EIF3I: variants seen among roughly 807,000 people sequenced by gnomAD.
EIF3I encodes eukaryotic translation initiation factor 3 subunit I.
A neutral mutation model predicts 43.3 loss-of-function variants in EIF3I; 20 were observed. That is an observed-to-expected ratio of 0.46 (90% CI 0.32 to 0.67). The LOEUF (loss-of-function observed/expected upper bound fraction) is 0.67, where lower values mean the gene tolerates loss of function less well. Among genes scored for constraint, EIF3I ranks in the 30% least tolerant of loss-of-function variants. The pLI is 0.03. For synonymous variants in EIF3I, 167 were observed against 151.7 expected, an observed-to-expected ratio of 1.10 and a Z score of -0.74; for missense variants, 279 against 421.4, an observed-to-expected ratio of 0.66 and a Z score of 2.96.
chr1:32,229,052 G>T (rs753926762), intron 8 of EIF3I, 83 bp from the exon 9 acceptor site: 2 of 1,451,596 alleles, frequency 1.4e-6, no homozygotes, highest in Admixed American at 3.9e-5. Flanking sequence ...CGTGTGAGAT[G>T]TTAAAAATGT....
intron 10 of EIF3I, 147 bp from the exon 10 acceptor site, chr1:32,230,780 C>A: frequency 1.7e-6 from 1 of 580,082 alleles, no homozygotes; most frequent in Non-Finnish European, 2.9e-6. Flanking sequence ...ACCGAGATTG[C>A]GCCACTGTAC....
intron 8 of EIF3I, 107 bp downstream of exon 8, chr1:32,228,923 C>A: frequency 1.8e-6 from 2 of 1,140,600 alleles, no homozygotes; most frequent in Non-Finnish European, 2.6e-6. Context: ...TGATGTCAGG[C>A]AGAGAGGAGA....
chr1:32,235,954 C>T (rs1047675144), downstream of EIF3I, among the ~76,000 whole-genome samples: 1 of 152,164 alleles, frequency 6.6e-6, no homozygotes, highest in Non-Finnish European at 1.5e-5. Flanking sequence ...TGTTTAAAAG[C>T]CTTCAGTGGC....
Position 32,228,707 on chromosome 1 carries a change from C to A in EIF3I, c.640-20C>A. The stretch of plus-strand genomic sequence containing the variant: ...CCAGGAAAGCTCTTTACAGATTTCC[C>A]CCCTGCCTTCTCTCTCCAGCTTTTT... On this transcript the variant is annotated intron_variant, in intron 7 of 11. Transcript: ENST00000676679. 1.2e-6 allele frequency: 2 copies of A among 1,609,174 alleles called. No individual in the cohort carries two copies. The highest frequency in any genetic ancestry group is 1.7e-6 in the Non-Finnish European group (2 of 1,175,642).
intron 11 of EIF3I, 37 bp from the exon 11 acceptor site, chr1:32,231,078 G>A (rs1448675113): frequency 6.2e-7 from 1 of 1,613,714 alleles, no homozygotes; most frequent in Non-Finnish European, 8.5e-7. Flanking sequence ...CTTTCCCAGA[G>A]TAAGCACCTG....
chr1:32,232,420 G>A (rs1412489231), downstream of EIF3I, among the ~76,000 whole-genome samples: 1 of 152,190 alleles, frequency 6.6e-6, no homozygotes, highest in African/African-American at 2.4e-5. Context: ...AACCAATTTA[G>A]TTTTGCCTCA....
At chr1:32,223,547 A>C (rs1200784772) in intron 2 of EIF3I, among the ~76,000 whole-genome samples, 2 of 152,132 alleles carry the variant, frequency 1.3e-5, no homozygotes, top group Admixed American at 1.3e-4. Context: ...GGCCTCCCAA[A>C]GTGCTAGGAT....
At chr1:32,231,726 T>C (rs1639240260), downstream of EIF3I, 1 of 154,344 alleles carries the variant, frequency 6.5e-6, no homozygotes, top group African/African-American at 2.4e-5. Flanking sequence ...CTTAAGACCC[T>C]CAGTACTTTT....
chr1:32,233,060 C>A (rs1316035151), downstream of EIF3I, among the ~76,000 whole-genome samples: 1 of 152,206 alleles, frequency 6.6e-6, no homozygotes, highest in African/African-American at 2.4e-5. Flanking sequence ...ATGGCATGAT[C>A]TCGGCTCACT....
intron 6 of EIF3I, 124 bp downstream of exon 6, chr1:32,226,654 C>T (rs1557555059): frequency 2.0e-5 from 22 of 1,080,266 alleles, no homozygotes; most frequent in South Asian, 2.8e-5. Flanking sequence ...GCGACCTCCA[C>T]CTCCCTGGTT....
chr1:32,230,902 A>G, intron 10 of EIF3I, 25 bp from the exon 10 acceptor site: 1 of 1,549,838 alleles, frequency 6.5e-7, no homozygotes, highest in Non-Finnish European at 8.8e-7. Flanking sequence ...TAGAAAGTGA[A>G]TTAATTGTGT....
At chr1:32,230,203 T>C (rs1191540737) in intron 9 of EIF3I, among the ~76,000 whole-genome samples, 1 of 151,122 alleles carries the variant, frequency 6.6e-6, no homozygotes, top group African/African-American at 2.4e-5. Flanking sequence ...TTCCATCTTA[T>C]TTTGTTCACA....
intron 4 of EIF3I, 139 bp from the exon 5 acceptor site, chr1:32,226,032 A>C: frequency 8.2e-7 from 1 of 1,216,364 alleles, no homozygotes; most frequent in Non-Finnish European, 1.1e-6. Flanking sequence ...AAAAAGAAAA[A>C]AAAAAAGAAA....
rs937574295 is a variant in EIF3I, at chr1:32,224,125, T to C, written c.184+4T>C. On this transcript the variant is annotated splice_donor_region_variant and intron_variant, in intron 3 of 11. Transcript: ENST00000676679. ...GTGTGGTGTGTGGACGCTGACTGTA[T>C]CCTTATTTTGGGTCTGAGTCCGTGT... The C allele has an allele frequency of 6.2e-7, 1 of 1,613,932 alleles. No individual in the cohort carries two copies. The highest frequency in any genetic ancestry group is 8.5e-7 in the Non-Finnish European group (1 of 1,179,982).
At chr1:32,235,578 C>A (rs1639289747), downstream of EIF3I, among the ~76,000 whole-genome samples, 1 of 152,178 alleles carries the variant, frequency 6.6e-6, no homozygotes. Context: ...CTCGGCCTCC[C>A]AAAGTGCTGG....
chr1:32,222,712 G>A, intron 2 of EIF3I, 82 bp downstream of exon 2: 1 of 1,418,926 alleles, frequency 7.0e-7, no homozygotes, highest in Non-Finnish European at 9.9e-7. Flanking sequence ...TTTGCCGTTA[G>A]CGGGGAACCA....
chr1:32,229,190 T>C (rs1203260168), exon 9 of EIF3I: 1 of 1,614,046 alleles, frequency 6.2e-7, no homozygotes, highest in Non-Finnish European at 8.5e-7. Context: ...TCCACCAGGA[T>C]TGGCAAGTTT....
exon 11 of EIF3I, chr1:32,231,006 C>G: frequency 6.2e-7 from 1 of 1,612,834 alleles, no homozygotes; most frequent in Non-Finnish European, 8.5e-7. Context: ...TGCCTTCCAT[C>G]CTGATGGCAA....
chr1:32,223,865 G>T (rs1317197817), intron 2 of EIF3I, among the ~76,000 whole-genome samples, 169 bp from the exon 3 acceptor site: 1 of 152,190 alleles, frequency 6.6e-6, no homozygotes, highest in Admixed American at 6.5e-5. Context: ...TTCAGGAAGG[G>T]AGGAGAATCC....
Sources: gnomAD v4.1 joint callset for allele counts (sites outside exome capture counted in the v4.1 genomes callset) on GRCh38, gnomAD v4.1.1 for gene constraint, MANE v1.5 for transcripts, NCBI Gene and HGNC (gene_info 2026-07-23, HGNC 2026-07-21) for gene names.